ITGA2: variants seen among roughly 807,000 people sequenced by gnomAD.
ITGA2 encodes the protein integrin alpha-2.
ITGA2 carries 101 observed loss-of-function variants against 146.3 expected under a neutral mutation model. The observed-to-expected ratio is 0.69, with a 90% CI of 0.59 to 0.81. The LOEUF (loss-of-function observed/expected upper bound fraction) is 0.81. Among genes scored for constraint, ITGA2 ranks in the 40% least tolerant of loss-of-function variants. The pLI, the probability that ITGA2 is intolerant of heterozygous loss-of-function variation, is 0.00. For missense variants in ITGA2, 1,281 were observed against 1,402.7 expected, an observed-to-expected ratio of 0.91 and a Z score of 1.39; for synonymous variants, 477 against 487.1, an observed-to-expected ratio of 0.98 and a Z score of 0.27.
At chr5:53,012,351 C>T (rs1401551901) in intron 1 of ITGA2, among the ~76,000 whole-genome samples, 1 of 152,056 alleles carries the variant, frequency 6.6e-6, no homozygotes, top group Non-Finnish European at 1.5e-5. Flanking sequence ...CAAATGGTGG[C>T]TTGGATTGAC....
chr5:53,042,043 T>G, intron 2 of ITGA2, 69 bp from the exon 3 acceptor site: 2 of 933,172 alleles, frequency 2.1e-6, no homozygotes, highest in Non-Finnish European at 1.8e-6. Context: ...TTTCACTGTT[T>G]GTGATCAGGT....
At chr5:53,001,135 C>T (rs2111694930) in intron 1 of ITGA2, among the ~76,000 whole-genome samples, 1 of 152,156 alleles carries the variant, frequency 6.6e-6, no homozygotes, top group South Asian at 2.1e-4. Context: ...CTCCTGATCT[C>T]AAGTGGTCCA....
intron 2 of ITGA2, among the ~76,000 whole-genome samples, chr5:53,039,027 A>G (rs1743646172): frequency 6.6e-6 from 1 of 152,180 alleles, no homozygotes; most frequent in African/African-American, 2.4e-5. Flanking sequence ...CAGGAAGTGG[A>G]GGTTACAGTG....
rs138760502 is a variant in ITGA2, at chr5:53,019,757, C to T, written c.65-6991C>T. Among the ~76,000 whole-genome samples the T allele has an allele frequency of 1.9e-3, 291 of 152,176 alleles. 5 individuals carry two copies. The East Asian group carries it at 0.041, about 21-fold the overall frequency. On this transcript the variant is annotated intron_variant, in intron 1 of 29. Transcript: ENST00000296585. ...GCCAGGCTGGTCTTGAACTCCTTAC[C>T]TCAGGTGATCTGTCCACCTCGGCCT...
intron 1 of ITGA2, among the ~76,000 whole-genome samples, chr5:53,001,183 T>C (rs900020779): frequency 6.6e-6 from 1 of 152,156 alleles, no homozygotes; most frequent in Non-Finnish European, 1.5e-5. Context: ...ATTACAGGTG[T>C]GAGCCACCAC....
At chr5:53,035,944 G>A (rs1240009999) in intron 2 of ITGA2, among the ~76,000 whole-genome samples, 1 of 151,922 alleles carries the variant, frequency 6.6e-6, no homozygotes. Flanking sequence ...TCCCCCTATC[G>A]CAAAATCTTG....
At chr5:52,997,129 A>C (rs2111673746) in intron 1 of ITGA2, among the ~76,000 whole-genome samples, 1 of 152,334 alleles carries the variant, frequency 6.6e-6, no homozygotes, top group East Asian at 1.9e-4. Flanking sequence ...AACCAGTATA[A>C]ACTTGAACTG....
chr5:53,022,138 A>G (rs758557509), intron 1 of ITGA2, among the ~76,000 whole-genome samples: 7 of 152,182 alleles, frequency 4.6e-5, no homozygotes, highest in African/African-American at 7.2e-5. Flanking sequence ...ATATAAAATG[A>G]CATGTTTTGT....
At chr5:53,072,175 C>A in intron 18 of ITGA2, 127 bp downstream of exon 18, 1 of 728,766 alleles carries the variant, frequency 1.4e-6, no homozygotes, top group Non-Finnish European at 2.4e-6. Context: ...ACTACAATTA[C>A]ATATGCATAA....
intron 1 of ITGA2, among the ~76,000 whole-genome samples, chr5:53,008,122 T>C (rs1741947361): frequency 2.0e-5 from 3 of 152,030 alleles, no homozygotes; most frequent in Admixed American, 2.0e-4. Flanking sequence ...ACTAGGTGGC[T>C]TAAACAAGAG....
At position 52,989,503 on chromosome 5, in the gene ITGA2, C is replaced by G. The variant is rs777997223; in HGVS notation, c.35C>G (p.Pro12Arg). Residue 12 changes from proline (P) to arginine (R), a missense_variant, in exon 1 of 30, where the codon CCG becomes CGG. Around this residue, in one of 3 missense-constraint regions of ITGA2, gnomAD observed 795 missense variants for 841.7 expected, o/e 0.94. Coordinates refer to ENST00000296585, the MANE Select transcript of ITGA2 (RefSeq NM_002203.4). ...GAACGGACAGGGGCCGCGCCGCTGC[C>G]GCTGCTGCTGGTGTTAGCGCTCAGT... ...GPERTGAAPL[P>R]LLLVLALSQG... 2.5e-6 allele frequency: 4 copies of G among 1,613,388 alleles called. No individual in the cohort carries two copies. The highest frequency in any genetic ancestry group is 1.3e-5 in the African/African-American group (1 of 74,740).
chr5:53,035,807 ATACTATAGACT>A (rs1048344620), intron 2 of ITGA2, among the ~76,000 whole-genome samples: 1 of 152,168 alleles, frequency 6.6e-6, no homozygotes, highest in African/African-American at 2.4e-5. Flanking sequence ...TTATATTTAT[ATACTATAGACT>A]TGGAAAATTT....
chr5:53,051,555 G>A lies in ITGA2; in HGVS notation c.775G>A (p.Ala259Thr). Residue 259 changes from alanine to threonine, a missense_variant, in exon 7 of 30, where the codon GCA (alanine) becomes ACA (threonine). Physicochemically the swap from Ala to Thr is moderately conservative, Grantham distance 58 (BLOSUM62 0). Transcript: ENST00000296585. ...LTNTFGAIQY[A>T]RKYAYSAASG... ...AAACACATTCGGAGCAATTCAATAT[G>A]CAAGGTAAGTTTTGGTGCTAATAGG... The A allele has an allele frequency of 6.2e-7, 1 of 1,613,260 alleles. No homozygotes were observed. The highest frequency in any genetic ancestry group is 8.5e-7 in the Non-Finnish European group (1 of 1,179,474).
chr5:53,046,955 T>C (rs1431923661), intron 4 of ITGA2, among the ~76,000 whole-genome samples: 1 of 152,178 alleles, frequency 6.6e-6, no homozygotes, highest in Non-Finnish European at 1.5e-5. Flanking sequence ...TGAGTTCTTT[T>C]TCAAAGTGAT....
At chr5:53,052,405 T>C (rs944796430) in intron 7 of ITGA2, among the ~76,000 whole-genome samples, 3 of 152,164 alleles carry the variant, frequency 2.0e-5, no homozygotes, top group Admixed American at 2.0e-4. Context: ...GCTCCATCCA[T>C]GTCCCTGCAA....
intron 2 of ITGA2, among the ~76,000 whole-genome samples, chr5:53,040,280 G>A (rs2111877359): frequency 6.6e-6 from 1 of 152,254 alleles, no homozygotes; most frequent in African/African-American, 2.4e-5. Flanking sequence ...TACACTTTAA[G>A]ATATGTCCAG....
intron 1 of ITGA2, among the ~76,000 whole-genome samples, chr5:53,018,939 C>G (rs1045044735): frequency 7.9e-5 from 12 of 151,988 alleles, no homozygotes; most frequent in African/African-American, 2.7e-4. Context: ...TGGTACACGC[C>G]TGTAATCCCA....
chr5:53,028,836 C>T (rs954352380), intron 2 of ITGA2, among the ~76,000 whole-genome samples: 4 of 152,210 alleles, frequency 2.6e-5, no homozygotes, highest in African/African-American at 4.8e-5. Context: ...GGCCGTTCCT[C>T]ACTGTCTCTC....
In ITGA2 at chr5:53,056,010, C is replaced by T; in HGVS notation, c.957C>T (p.Ala319=). ...TTCTTGGGTACTTAAACAGAAACGC[C>T]CTTGATACTAAAAATTTAATAAAAG... The part of the protein sequence containing the change: ...IAVLGYLNRN[A]LDTKNLIKEI... The change falls in exon 9 of 30, where the codon GCC becomes GCT. Residue 319 remains alanine, a synonymous_variant. Coordinates refer to ENST00000296585, the MANE Select transcript of ITGA2 (RefSeq NM_002203.4). 6.2e-7 allele frequency: 1 copy of T among 1,609,384 alleles called. No homozygotes were observed. The highest frequency in any genetic ancestry group is 1.7e-5 in the Admixed American group (1 of 59,654).
Sources: allele counts gnomAD v4.1 joint callset (sites outside exome capture counted in the v4.1 genomes callset), GRCh38; gene constraint gnomAD v4.1.1; regional missense constraint gnomAD v4.1.1; transcripts MANE v1.5; gene names NCBI Gene and HGNC (gene_info 2026-07-23, HGNC 2026-07-21).